LUZP2: variants seen among roughly 807,000 people sequenced by gnomAD.
The protein encoded by LUZP2 is leucine zipper protein 2.
LUZP2 carries 52 observed loss-of-function variants against 51.6 expected under a neutral mutation model. The observed-to-expected ratio is 1.01, with a 90% CI of 0.81 to 1.27. LUZP2 has a LOEUF of 1.27. Ranked by LOEUF, LUZP2 falls within the 50% of genes most tolerant of loss-of-function variation. The probability of loss-of-function intolerance (pLI) is 0.00; values close to 1 mark genes in which losing one functional copy is unlikely to be tolerated. For missense variants in LUZP2, 436 were observed against 395.4 expected, an observed-to-expected ratio of 1.10 and a Z score of -0.87; for synonymous variants, 154 against 137.3, an observed-to-expected ratio of 1.12 and a Z score of -0.85.
intron 7 of LUZP2, among the ~76,000 whole-genome samples, chr11:24,933,364 C>G (rs1461536487): frequency 6.6e-6 from 1 of 152,116 alleles, no homozygotes; most frequent in Admixed American, 6.6e-5. Context: ...GCTGGAATCT[C>G]AAAGTATTGA....
At chr11:24,608,056 A>G (rs1256003816) in intron 1 of LUZP2, among the ~76,000 whole-genome samples, 3 of 151,948 alleles carry the variant, frequency 2.0e-5, no homozygotes, top group Admixed American at 2.0e-4. Context: ...TCACCGTGTT[A>G]TGCAGGAAGG....
At chr11:24,764,468 C>T (rs1430637567) in intron 5 of LUZP2, among the ~76,000 whole-genome samples, 2 of 96,880 alleles carry the variant, frequency 2.1e-5, no homozygotes, top group East Asian at 3.8e-4. Context: ...CCAGTCTGGA[C>T]AACATGGTAA....
At chr11:24,720,181 T>C (rs1323100916) in intron 1 of LUZP2, among the ~76,000 whole-genome samples, 2 of 152,182 alleles carry the variant, frequency 1.3e-5, no homozygotes, top group Non-Finnish European at 2.9e-5. Context: ...ATTATTTTAG[T>C]TCTGAATTCT....
intron 9 of LUZP2, among the ~76,000 whole-genome samples, chr11:25,043,721 TATA>T (rs1477657381): frequency 6.7e-6 from 1 of 148,588 alleles, no homozygotes; most frequent in Non-Finnish European, 1.5e-5. Flanking sequence ...TATATACATA[TATA>T]ATATTTATCA....
intron 5 of LUZP2, among the ~76,000 whole-genome samples, chr11:24,800,936 G>C (rs1194598490): frequency 6.6e-6 from 1 of 151,872 alleles, no homozygotes; most frequent in Non-Finnish European, 1.5e-5. Flanking sequence ...ATTTGTATTT[G>C]ACACCAGAAC....
rs142862147 is a variant in LUZP2 at position 24,614,507 on chromosome 11, G to A, written c.63-114662G>A. Among the ~76,000 whole-genome samples, 595 of 152,036 alleles carry A rather than the reference G, an allele frequency of 3.9e-3. 5 individuals are homozygous for A. Among genetic ancestry groups the A allele is most frequent in the African/African-American group, 0.013 (556 of 41,536 alleles). On this transcript the variant is annotated intron_variant, in intron 1 of 11. Transcript: ENST00000336930. ...CTAGTAGTAAAATGTACATTTCTAC[G>A]TCTGGAAAATAGGGCTCTGCATATT... is the stretch of plus-strand genomic sequence containing the variant.
chr11:24,909,089 A>G (rs1249662807), intron 6 of LUZP2, among the ~76,000 whole-genome samples: 3 of 151,810 alleles, frequency 2.0e-5, no homozygotes, highest in Non-Finnish European at 4.4e-5. Context: ...GAAAATTACA[A>G]GAGTGCTAGA....
chr11:24,731,906 G>A (rs1358057413), intron 2 of LUZP2, among the ~76,000 whole-genome samples: 1 of 151,702 alleles, frequency 6.6e-6, no homozygotes, highest in African/African-American at 2.4e-5. Flanking sequence ...ACCTCTGAAA[G>A]CCAAGACTGC....
chr11:24,831,094 A>G (rs958901716), intron 5 of LUZP2, among the ~76,000 whole-genome samples: 4 of 152,334 alleles, frequency 2.6e-5, no homozygotes, highest in African/African-American at 9.6e-5. Flanking sequence ...GTTCCTAACG[A>G]TTAAGTTGTA....
chr11:25,029,629 TG>T (rs1857587917), intron 9 of LUZP2, among the ~76,000 whole-genome samples: 1 of 150,580 alleles, frequency 6.6e-6, no homozygotes, highest in Non-Finnish European at 1.5e-5. Flanking sequence ...CCCAGCTACT[TG>T]GGAGGCTGAG....
At chr11:24,720,469 G>T (rs1026836847) in intron 1 of LUZP2, among the ~76,000 whole-genome samples, 3 of 152,132 alleles carry the variant, frequency 2.0e-5, no homozygotes, top group African/African-American at 7.2e-5. Flanking sequence ...ATGTGAGATG[G>T]ATCAATGCAA....
intron 7 of LUZP2, among the ~76,000 whole-genome samples, chr11:24,950,961 A>C (rs1225798887): frequency 2.6e-5 from 4 of 151,576 alleles, no homozygotes; most frequent in African/African-American, 9.7e-5. Context: ...GCTTCATAAA[A>C]TATCTCAGCA....
intron 5 of LUZP2, among the ~76,000 whole-genome samples, chr11:24,882,992 A>AAGG (rs1438588045): frequency 7.6e-5 from 11 of 145,242 alleles, no homozygotes; most frequent in African/African-American, 3.1e-4. Context: ...GGAAGGAAGG[A>AAGG]AAGAAAAGAA....
At chr11:25,052,571 G>A (rs918784555) in intron 10 of LUZP2, among the ~76,000 whole-genome samples, 1 of 152,114 alleles carries the variant, frequency 6.6e-6, no homozygotes, top group Non-Finnish European at 1.5e-5. Flanking sequence ...AATAAAACTA[G>A]AGAGACTGTT....
At chr11:24,643,254 C>CAAAAAAAAAAAAAAAAAAA (rs570616833) in intron 1 of LUZP2, among the ~76,000 whole-genome samples, 1 of 75,722 alleles carries the variant, frequency 1.3e-5, no homozygotes. Flanking sequence ...ACTAAAAGTA[C>CAAAAAAAAAAAAAAAAAAA]AAAAAAAAAA....
In LUZP2 at chr11:24,922,675, T is replaced by C. The variant is rs748727446; in HGVS notation, c.522+8137T>C. Among the ~76,000 whole-genome samples the C allele has an allele frequency of 2.0e-5, 3 of 152,086 alleles. No homozygotes were observed. In the South Asian group the frequency reaches 6.2e-4, roughly 32 times the overall value. On this transcript the variant is annotated intron_variant, in intron 7 of 11. Coordinates refer to ENST00000336930, the MANE Select transcript of LUZP2 (RefSeq NM_001009909.4). ...TTACATGATTCCAGAAGCTGTAAGC[T>C]TGTCAAATCACATTCATTTGTGCGT...
intron 1 of LUZP2, among the ~76,000 whole-genome samples, chr11:24,702,744 T>C (rs1857454049): frequency 1.3e-5 from 2 of 152,310 alleles, no homozygotes; most frequent in African/African-American, 4.8e-5. Context: ...ACCATTCAAA[T>C]CATATCAGTG....
At chr11:24,516,968 C>T (rs1850485989) in intron 1 of LUZP2, among the ~76,000 whole-genome samples, 1 of 152,114 alleles carries the variant, frequency 6.6e-6, no homozygotes, top group Non-Finnish European at 1.5e-5. Flanking sequence ...ATGTGCCAAG[C>T]TCTCTATGTG....
At chr11:24,807,584 T>G (rs1849893838) in intron 5 of LUZP2, among the ~76,000 whole-genome samples, 1 of 151,854 alleles carries the variant, frequency 6.6e-6, no homozygotes, top group Non-Finnish European at 1.5e-5. Flanking sequence ...CCACAAAGAA[T>G]GAATAGTTGT....
Sources: gnomAD v4.1 joint callset for allele counts (sites outside exome capture counted in the v4.1 genomes callset) on GRCh38, gnomAD v4.1.1 for gene constraint, MANE v1.5 for transcripts, NCBI Gene and HGNC (gene_info 2026-07-23, HGNC 2026-07-21) for gene names.